Variants in ELAVL4 observed in about 807,000 individuals in gnomAD.
The protein encoded by ELAVL4 is ELAV-like protein 4.
In ELAVL4, 1 loss-of-function variant was observed where a neutral mutation model predicts 35.6. That is an observed-to-expected ratio of 0.03 (90% CI 0.01 to 0.13). ELAVL4 has a LOEUF of 0.13. Ranked by LOEUF, ELAVL4 falls within the 10% of genes least tolerant of loss-of-function variation. The pLI is 1.00. For missense variants in ELAVL4, 267 were observed against 464.9 expected (o/e 0.57, Z 3.91); for synonymous variants, 156 against 171.0 (o/e 0.91, Z 0.69).
chr1:50,163,957 C>T (rs1677274391), intron 2 of ELAVL4, among the ~76,000 whole-genome samples: 1 of 152,164 alleles, frequency 6.6e-6, no homozygotes, highest in African/African-American at 2.4e-5. Context: ...TACACTGGCT[C>T]TAGAGTCAGA....
At chr1:50,107,998 A>G (rs1202980333), upstream of ELAVL4, among the ~76,000 whole-genome samples, 3 of 152,234 alleles carry the variant, frequency 2.0e-5, no homozygotes, top group African/African-American at 7.2e-5. Context: ...TTAGTTAAGC[A>G]AAATGAACAC....
chr1:50,155,258 G>T (rs773471439), intron 2 of ELAVL4, among the ~76,000 whole-genome samples: 10 of 141,938 alleles, frequency 7.0e-5, no homozygotes, highest in Non-Finnish European at 1.2e-4. Flanking sequence ...CCATCTAGGA[G>T]TTTTCTTTAC....
chr1:50,061,138 G>A (rs908463317), intron 1 of ELAVL4, among the ~76,000 whole-genome samples: 1 of 152,168 alleles, frequency 6.6e-6, no homozygotes, highest in African/African-American at 2.4e-5. Context: ...GATGCTCTGC[G>A]CTTAACTGTC....
chr1:50,118,938 AAAAG>A (rs760529474), intron 1 of ELAVL4, among the ~76,000 whole-genome samples: 15 of 136,740 alleles, frequency 1.1e-4, no homozygotes, highest in Non-Finnish European at 1.9e-4. Flanking sequence ...CTATGCTAAA[AAAAG>A]AAAGAGAGAG....
intron 3 of ELAVL4, among the ~76,000 whole-genome samples, chr1:50,184,414 A>G (rs1681518961): frequency 6.6e-6 from 1 of 151,078 alleles, no homozygotes; most frequent in African/African-American, 2.4e-5. Flanking sequence ...AAAAAAAAAA[A>G]TCAGCACAAC....
At position 50,195,612 on chromosome 1, in the gene ELAVL4, A is replaced by G; in HGVS notation, c.560A>G (p.Glu187Gly). ...CGCTTTGATAAGAGGATTGAGGCAGAAGAAGCCATCAAAGGGCTGAATGGC... is the reference window on the plus strand; with the variant it reads ...CGCTTTGATAAGAGGATTGAGGCAGGAGAAGCCATCAAAGGGCTGAATGGC... ...FIRFDKRIEA[E>G]EAIKGLNGQK... Residue 187 changes from glutamate to glycine, a missense_variant, in exon 5 of 7, where the codon GAA (glutamate) becomes GGA (glycine). Coordinates refer to ENST00000371824, the MANE Select transcript of ELAVL4 (RefSeq NM_001144774.3). The G allele has an allele frequency of 6.2e-7, 1 of 1,614,200 alleles. No individual in the cohort carries two copies. The highest frequency in any genetic ancestry group is 8.5e-7 in the Non-Finnish European group (1 of 1,180,018).
At chr1:50,102,360 C>T (rs979523874), upstream of ELAVL4, among the ~76,000 whole-genome samples, 3 of 148,316 alleles carry the variant, frequency 2.0e-5, no homozygotes, top group African/African-American at 7.6e-5. Context: ...AAAAACTCTG[C>T]CCTAACTGGC....
upstream of ELAVL4, among the ~76,000 whole-genome samples, chr1:50,104,703 T>C (rs1428630555): frequency 2.0e-5 from 3 of 152,218 alleles, no homozygotes; most frequent in East Asian, 1.9e-4. Context: ...ATGTGGAACA[T>C]AGAATGGTGT....
chr1:50,104,116 C>T (rs943365743), upstream of ELAVL4: 1 of 1,107,900 alleles, frequency 9.0e-7, no homozygotes, highest in African/African-American at 1.5e-5. Context: ...AAACCCGCTT[C>T]ATCTTATTTT....
At chr1:50,184,184 G>C (rs1681477513) in intron 3 of ELAVL4, among the ~76,000 whole-genome samples, 1 of 152,168 alleles carries the variant, frequency 6.6e-6, no homozygotes, top group Admixed American at 6.5e-5. Context: ...TGGAGAAATG[G>C]AAATACAATT....
At chr1:50,171,613 TTTGA>T (rs768116314) in intron 2 of ELAVL4, among the ~76,000 whole-genome samples, 4 of 152,212 alleles carry the variant, frequency 2.6e-5, no homozygotes, top group East Asian at 1.9e-4. Context: ...ACAGTGATAC[TTTGA>T]TTGTGAGAAT....
At chr1:50,086,175 T>A (rs2148500910) in intron 1 of ELAVL4, among the ~76,000 whole-genome samples, 1 of 152,250 alleles carries the variant, frequency 6.6e-6, no homozygotes, top group Non-Finnish European at 1.5e-5. Flanking sequence ...GGCCATTCCG[T>A]CAATATTTTT....
intron 1 of ELAVL4, among the ~76,000 whole-genome samples, chr1:50,093,857 A>G (rs1254614263): frequency 6.6e-6 from 1 of 152,164 alleles, no homozygotes; most frequent in African/African-American, 2.4e-5. Flanking sequence ...CACAGTAAAT[A>G]CTCTGTGAAT....
At chr1:50,119,267 GTGTT>G (rs1443468784) in intron 1 of ELAVL4, among the ~76,000 whole-genome samples, 2 of 152,056 alleles carry the variant, frequency 1.3e-5, no homozygotes, top group Non-Finnish European at 2.9e-5. Context: ...TTTTTAGACT[GTGTT>G]TGTATGGGCA....
At chr1:50,152,955 C>T (rs1675053391) in intron 2 of ELAVL4, among the ~76,000 whole-genome samples, 1 of 152,200 alleles carries the variant, frequency 6.6e-6, no homozygotes, top group African/African-American at 2.4e-5. Flanking sequence ...CCCTTTCCTT[C>T]CCTTCTCTGA....
intron 3 of ELAVL4, among the ~76,000 whole-genome samples, chr1:50,185,897 C>T (rs1198047217): frequency 1.3e-5 from 2 of 152,090 alleles, no homozygotes; most frequent in African/African-American, 2.4e-5. Flanking sequence ...AAGCAGGAGC[C>T]AGGAGTTGCA....
At chr1:50,167,522 A>G (rs1013592437) in intron 2 of ELAVL4, among the ~76,000 whole-genome samples, 6 of 152,302 alleles carry the variant, frequency 3.9e-5, no homozygotes, top group Non-Finnish European at 8.8e-5. Context: ...GCCACCAGGT[A>G]GCCGGCTAAT....
At chr1:50,153,904 A>G (rs1354534023) in intron 2 of ELAVL4, among the ~76,000 whole-genome samples, 1 of 152,240 alleles carries the variant, frequency 6.6e-6, no homozygotes, top group Non-Finnish European at 1.5e-5. Context: ...GAAGGCAGCT[A>G]TCTGCAAGCC....
intron 6 of ELAVL4, 25 bp downstream of exon 6, chr1:50,197,492 A>G (rs1644127849): frequency 1.9e-6 from 3 of 1,559,612 alleles, no homozygotes; most frequent in South Asian, 1.2e-5. Context: ...ACAGATTGCC[A>G]GATGTCCATG....
Sources: allele counts gnomAD v4.1 joint callset (sites outside exome capture counted in the v4.1 genomes callset), GRCh38; gene constraint gnomAD v4.1.1; transcripts MANE v1.5; gene names NCBI Gene and HGNC (gene_info 2026-07-23, HGNC 2026-07-21).